PHRF1: variants seen among roughly 807,000 people sequenced by gnomAD.
PHRF1 encodes the protein PHD and RING finger domain-containing protein 1.
In PHRF1, 53 loss-of-function variants were observed where a neutral mutation model predicts 128.9. That is an observed-to-expected ratio of 0.41 (90% CI 0.33 to 0.52). The LOEUF (loss-of-function observed/expected upper bound fraction) is 0.52. Ranked by LOEUF, PHRF1 falls within the 20% of genes least tolerant of loss-of-function variation. PHRF1 has a pLI of 0.21. For missense variants in PHRF1, 2,503 were observed against 2,284.5 expected (o/e 1.10, Z -1.95); for synonymous variants, 1,178 against 980.6 (o/e 1.20, Z -3.76).
chr11:601,559 A>G lies in PHRF1; in HGVS notation c.1025-15A>G, dbSNP rs1440821894. The G allele has an allele frequency of 1.2e-6, 2 of 1,613,386 alleles. No homozygotes were observed. The highest frequency in any genetic ancestry group is 1.3e-5 in the African/African-American group (1 of 74,842). On this transcript the variant is annotated splice_polypyrimidine_tract_variant and intron_variant, in intron 9 of 17. Coordinates refer to ENST00000264555, the MANE Select transcript of PHRF1 (RefSeq NM_001286581.2). ...CCAGCACAGAGAAGCACAGACTTCAACCTCTTTTCCTTAGGAAGACGGAAG... is the reference window on the plus strand; with the variant it reads ...CCAGCACAGAGAAGCACAGACTTCAGCCTCTTTTCCTTAGGAAGACGGAAG...
chr11:607,930 T>C lies in PHRF1; in HGVS notation c.2474T>C (p.Leu825Pro). 1 of 1,612,512 alleles carries C rather than the reference T, an allele frequency of 6.2e-7. No homozygotes were observed. Reference sequence around the variant, plus strand: ...TTCTCCATCAAGAAGACGAAGCAGCTGCGGAGCGAGGTCTACGACCCATCC... The same window carrying C: ...TTCTCCATCAAGAAGACGAAGCAGCCGCGGAGCGAGGTCTACGACCCATCC... Reference protein sequence around the residue: ...PLFSIKKTKQLRSEVYDPSDP... With the variant: ...PLFSIKKTKQPRSEVYDPSDP... Residue 825 changes from leucine to proline, a missense_variant, in exon 14 of 18, where the codon CTG (leucine) becomes CCG (proline). Leu to Pro is a moderately conservative substitution (Grantham distance 98). Transcript: ENST00000264555.
At chr11:599,489 G>A (rs1855506620) in intron 9 of PHRF1, among the ~76,000 whole-genome samples, 1 of 152,054 alleles carries the variant, frequency 6.6e-6, no homozygotes, top group Admixed American at 6.5e-5. Context: ...GACCTCAGGT[G>A]ATCCGACCAC....
chr11:607,172 C>T lies in PHRF1; in HGVS notation c.1716C>T (p.Gly572=). 1.9e-6 allele frequency: 3 copies of T among 1,612,726 alleles called. No homozygotes were observed. The highest frequency in any genetic ancestry group is 1.3e-5 in the African/African-American group (1 of 75,028). ...TGCCCTCCGGGAGCCCGGCCCAAGG[C>T]CCGTCAGGAAACAGGCCACAGAGCA... ...RALPSGSPAQ[G]PSGNRPQSTG... Residue 572 remains glycine (G), a synonymous_variant, in exon 14 of 18, where the codon GGC becomes GGT. Transcript: ENST00000264555.
intron 6 of PHRF1, 107 bp from the exon 7 acceptor site, chr11:596,816 G>A (rs947441989): frequency 1.7e-5 from 15 of 899,522 alleles, no homozygotes; most frequent in East Asian, 7.6e-5. Flanking sequence ...AGAATGCATC[G>A]CAGACTTGGG....
intron 6 of PHRF1, among the ~76,000 whole-genome samples, chr11:595,884 C>T (rs1157071232): frequency 6.6e-6 from 1 of 152,150 alleles, no homozygotes; most frequent in African/African-American, 2.4e-5. Context: ...TGGAGTGCCC[C>T]CACCCGCCGC....
At position 608,369 on chromosome 11, in the gene PHRF1, A is replaced by C; in HGVS notation, c.2913A>C (p.Pro971=). The C allele has an allele frequency of 6.2e-7, 1 of 1,610,846 alleles. No homozygotes were observed. Among genetic ancestry groups the C allele is most frequent in the African/African-American group, 1.3e-5 (1 of 74,962 alleles). ...TGACTGTCGTGGAGCCGGAAGCCCC[A>C]CCCAGCCCGGACGTGCTGCAGGCTG... ...TCVTVVEPEA[P]PSPDVLQAAT... Residue 971 remains proline, a synonymous_variant, in exon 14 of 18, where the codon CCA becomes CCC. Coordinates refer to ENST00000264555, the MANE Select transcript of PHRF1 (RefSeq NM_001286581.2).
intron 12 of PHRF1, 43 bp downstream of exon 12, chr11:605,767 T>TG (rs747878185): frequency 6.4e-7 from 1 of 1,571,058 alleles, no homozygotes; most frequent in South Asian, 1.2e-5. Context: ...GGGCAGCAGT[T>TG]GGGCATCGGA....
At position 597,866 on chromosome 11, in the gene PHRF1, A is replaced by G. The variant is rs1855392220; in HGVS notation, c.894+296A>G. Among the ~76,000 whole-genome samples, 1 of 152,098 alleles carries G rather than the reference A, an allele frequency of 6.6e-6. No individual in the cohort carries two copies. Among genetic ancestry groups the G allele is most frequent in the African/African-American group, 2.4e-5 (1 of 41,406 alleles). Reference sequence around the variant, plus strand: ...CTTGTTCCCCAGGCCCCATGCCAGCACCGCTCCCTCTAGGCACCTGTGAGC... The same window carrying G: ...CTTGTTCCCCAGGCCCCATGCCAGCGCCGCTCCCTCTAGGCACCTGTGAGC... On this transcript the variant is annotated intron_variant, in intron 8 of 17. Transcript: ENST00000264555. The surrounding 1 kb of genome is among the most constrained non-coding windows in gnomAD (Gnocchi z 6.5).
At chr11:602,729 G>A (rs1167204253) in intron 10 of PHRF1, among the ~76,000 whole-genome samples, 3 of 151,730 alleles carry the variant, frequency 2.0e-5, no homozygotes, top group African/African-American at 7.3e-5. Context: ...CATTGTTCAA[G>A]TGTTTGCTGA....
chr11:600,202 G>T (rs1206926816), intron 9 of PHRF1, among the ~76,000 whole-genome samples: 1 of 151,700 alleles, frequency 6.6e-6, no homozygotes, highest in Non-Finnish European at 1.5e-5. Flanking sequence ...CTGTTCTTCG[G>T]TGCAGCTCAT....
intron 4 of PHRF1, among the ~76,000 whole-genome samples, chr11:590,346 C>T (rs1179818741): frequency 6.6e-6 from 1 of 152,198 alleles, no homozygotes; most frequent in Non-Finnish European, 1.5e-5. Context: ...GGGGAATGGA[C>T]ACGTGGACCA....
chr11:596,901 T>C, intron 6 of PHRF1, 22 bp from the exon 7 acceptor site: 1 of 1,607,234 alleles, frequency 6.2e-7, no homozygotes, highest in Non-Finnish European at 8.5e-7. Flanking sequence ...CCCGGATGCT[T>C]TGGCCCTGCT....
chr11:586,760 C>T (rs1434630408), intron 3 of PHRF1, among the ~76,000 whole-genome samples: 1 of 152,128 alleles, frequency 6.6e-6, no homozygotes, highest in African/African-American at 2.4e-5. Context: ...TGCTCTGCCT[C>T]CCACAGGGAG....
At chr11:605,877 C>T (rs1330744849) in intron 12 of PHRF1, among the ~76,000 whole-genome samples, 153 bp downstream of exon 12, 2 of 152,206 alleles carry the variant, frequency 1.3e-5, no homozygotes, top group Admixed American at 6.5e-5. Flanking sequence ...CGGCCCTTGG[C>T]GTGAGGCAGT....
chr11:590,878 T>C (rs1291048552), intron 4 of PHRF1, among the ~76,000 whole-genome samples: 1 of 152,056 alleles, frequency 6.6e-6, no homozygotes, highest in Non-Finnish European at 1.5e-5. Context: ...TAATTTTGTA[T>C]TTTTAGTAGA....
At chr11:587,496 C>CT in intron 4 of PHRF1, 32 bp downstream of exon 4, 1 of 1,606,150 alleles carries the variant, frequency 6.2e-7, no homozygotes. Flanking sequence ...TGCTTCCTCC[C>CT]TTCAGGATGG....
chr11:605,387 C>A, intron 11 of PHRF1, 87 bp downstream of exon 11: 1 of 1,532,596 alleles, frequency 6.5e-7, no homozygotes, highest in Non-Finnish European at 8.8e-7. Context: ...CATGCGGAGG[C>A]GTTAGGTTTT....
rs200204469 is a variant in PHRF1, at chr11:598,449, T to C, written c.971T>C (p.Val324Ala). 3.5e-4 allele frequency: 557 copies of C among 1,611,066 alleles called. 2 individuals carry two copies. Among genetic ancestry groups the C allele is most frequent in the Non-Finnish European group, 4.2e-4 (495 of 1,179,750 alleles). Residue 324 changes from valine (V) to alanine (A), a missense_variant, in exon 9 of 18, where the codon GTG becomes GCG. Coordinates refer to ENST00000264555, the MANE Select transcript of PHRF1 (RefSeq NM_001286581.2). ...EAVATGLSTA[V>A]YQRPLTPRTP... ...GTGGCGACTGGCCTGAGCACTGCCG[T>C]GTATCAGCGCCCCCTGACGCCGCGC...
intron 9 of PHRF1, among the ~76,000 whole-genome samples, chr11:599,446 T>A (rs542687958): frequency 1.3e-4 from 20 of 152,100 alleles, no homozygotes; most frequent in Non-Finnish European, 2.2e-4. Context: ...AGATGGGGCT[T>A]CACCATGTTG....
Sources: allele counts gnomAD v4.1 joint callset (sites outside exome capture counted in the v4.1 genomes callset), GRCh38; gene constraint gnomAD v4.1.1; non-coding constraint Gnocchi (gnomAD v3.1); transcripts MANE v1.5; gene names NCBI Gene and HGNC (gene_info 2026-07-23, HGNC 2026-07-21).